The following LRRC56 variants were observed in gnomAD, a reference collection of about 807,000 sequenced individuals.
LRRC56 encodes the protein leucine-rich repeat-containing protein 56.
Under a neutral mutation model 47.8 loss-of-function variants are expected in LRRC56, and 41 were observed. That is an observed-to-expected ratio of 0.86 (90% CI 0.67 to 1.11). LRRC56 has a LOEUF of 1.11. Ranked by LOEUF, LRRC56 falls within the 50% of genes most tolerant of loss-of-function variation. The pLI is 0.00. For missense variants in LRRC56, 759 were observed against 704.2 expected (o/e 1.08, Z -0.88); for synonymous variants, 387 against 311.2 (o/e 1.24, Z -2.56).
At chr11:525,461 C>T in the LRRC56 span, among the ~76,000 whole-genome samples, 24 of 151,686 alleles carry the variant, frequency 1.6e-4, no homozygotes, top group Admixed American at 7.2e-4. Flanking sequence ...ATGGCGTGAA[C>T]CCAGTAGGCG....
the LRRC56 span, among the ~76,000 whole-genome samples, chr11:511,471 C>T: frequency 6.6e-6 from 1 of 152,172 alleles, no homozygotes; most frequent in South Asian, 2.1e-4. Context: ...ATTTTGGTGA[C>T]AGGACTGCTC....
At chr11:549,376 G>GC (rs2134056407) in intron 6 of LRRC56, among the ~76,000 whole-genome samples, 1 of 152,216 alleles carries the variant, frequency 6.6e-6, no homozygotes, top group Non-Finnish European at 1.5e-5. Context: ...AACAGGGTGG[G>GC]CCCGGCAGGA....
upstream of LRRC56, chr11:534,327 C>T (rs879083675): frequency 1.2e-6 from 2 of 1,609,800 alleles, no homozygotes; most frequent in South Asian, 2.2e-5. Context: ...CGTCATCGCT[C>T]CTCAGGGGCC....
At chr11:540,598 T>A (rs971264827) in intron 3 of LRRC56, 76 bp from the exon 4 acceptor site, 3 of 1,331,066 alleles carry the variant, frequency 2.3e-6, no homozygotes, top group East Asian at 4.9e-5. Context: ...GGTTGAGGGC[T>A]GGGCCAGGGT....
chr11:525,185 C>T, the LRRC56 span, among the ~76,000 whole-genome samples: 10 of 151,660 alleles, frequency 6.6e-5, no homozygotes, highest in African/African-American at 1.2e-4. Flanking sequence ...GGGCAGATCA[C>T]CTGAGGTCGG....
At chr11:516,610 T>C in the LRRC56 span, among the ~76,000 whole-genome samples, 98 of 152,148 alleles carry the variant, frequency 6.4e-4, 1 homozygote, top group Non-Finnish European at 8.2e-4. Flanking sequence ...ACATGAAATA[T>C]GAGCCAATGG....
Position 540,753 on chromosome 11 carries a change from G to A in LRRC56, c.69G>A (p.Leu23=). 1.9e-6 allele frequency: 3 copies of A among 1,611,810 alleles called. No individual in the cohort carries two copies. Among genetic ancestry groups the A allele is most frequent in the South Asian group, 1.1e-5 (1 of 90,674 alleles). Residue 23 remains leucine (L), a synonymous_variant, in exon 4 of 14, where the codon CTG becomes CTA. Transcript: ENST00000270115. ...CCTCCAGCGTCCGGGTGCGGGAGCTGAGCTGGCAAGGCCTGCACAACCCCT... is the reference window on the plus strand; with the variant it reads ...CCTCCAGCGTCCGGGTGCGGGAGCTAAGCTGGCAAGGCCTGCACAACCCCT... The part of the protein sequence containing the change: ...RSTSSVRVRE[L]SWQGLHNPCP...
chr11:546,184 C>A (rs1300209885), intron 6 of LRRC56, among the ~76,000 whole-genome samples: 2 of 151,014 alleles, frequency 1.3e-5, no homozygotes, highest in Non-Finnish European at 3.0e-5. Flanking sequence ...GCAGGAGAGT[C>A]GCTGCAGTGA....
chr11:507,947 C>T, the LRRC56 span, among the ~76,000 whole-genome samples: 2 of 152,254 alleles, frequency 1.3e-5, no homozygotes, highest in African/African-American at 4.8e-5. Flanking sequence ...CCGAGCGTCG[C>T]CTGGAGCCCT....
the LRRC56 span, among the ~76,000 whole-genome samples, chr11:515,888 A>G: frequency 6.6e-6 from 1 of 152,208 alleles, no homozygotes; most frequent in African/African-American, 2.4e-5. Flanking sequence ...ACTGTCATGT[A>G]TAGATTGAAG....
intron 13 of LRRC56, among the ~76,000 whole-genome samples, chr11:553,279 C>T (rs545939963): frequency 3.9e-5 from 6 of 152,048 alleles, no homozygotes; most frequent in Non-Finnish European, 8.8e-5. Context: ...GGCAGGCAGG[C>T]CGGGCAGGGG....
the LRRC56 span, among the ~76,000 whole-genome samples, chr11:517,907 CAG>C: frequency 2.6e-5 from 4 of 152,222 alleles, no homozygotes; most frequent in Middle Eastern, 3.2e-3. Context: ...TGTGTCAACT[CAG>C]GGTTAAATGG....
the LRRC56 span, among the ~76,000 whole-genome samples, chr11:521,377 C>T: frequency 6.6e-6 from 1 of 152,196 alleles, no homozygotes; most frequent in Non-Finnish European, 1.5e-5. Context: ...GCCATGATCA[C>T]AGGTCACTGC....
At chr11:551,564 G>C (rs1852391479) in intron 9 of LRRC56, 87 bp from the exon 10 acceptor site, 1 of 1,410,856 alleles carries the variant, frequency 7.1e-7, no homozygotes, top group Non-Finnish European at 9.6e-7. Flanking sequence ...ATGCAGCATG[G>C]GGATTGGGGC....
chr11:533,403 G>A, upstream of LRRC56: 1 of 1,602,992 alleles, frequency 6.2e-7, no homozygotes, highest in Non-Finnish European at 8.5e-7. Flanking sequence ...CCTGGCTGGG[G>A]CGGGGCGGGG....
At chr11:543,416 T>C (rs1461879610) in intron 5 of LRRC56, among the ~76,000 whole-genome samples, 1 of 151,746 alleles carries the variant, frequency 6.6e-6, no homozygotes, top group East Asian at 1.9e-4. Flanking sequence ...GGTGTCACCA[T>C]GTTGGCCAGG....
At chr11:547,570 TCTCGA>T (rs954301119) in intron 6 of LRRC56, among the ~76,000 whole-genome samples, 5 of 151,268 alleles carry the variant, frequency 3.3e-5, no homozygotes, top group African/African-American at 1.2e-4. Context: ...GCCAGGATGG[TCTCGA>T]TCTCCTGACC....
chr11:534,293 G>A (rs752765965), upstream of LRRC56: 7 of 1,613,080 alleles, frequency 4.3e-6, no homozygotes, highest in Admixed American at 6.7e-5. Context: ...CACCGCCGGC[G>A]CCCACCACCA....
the LRRC56 span, among the ~76,000 whole-genome samples, chr11:510,141 A>C: frequency 6.6e-6 from 1 of 152,058 alleles, no homozygotes; most frequent in Admixed American, 6.6e-5. Context: ...GAGCTTTTAC[A>C]TTCCCCATGA....
Sources: allele counts gnomAD v4.1 joint callset (sites outside exome capture counted in the v4.1 genomes callset), GRCh38; gene constraint gnomAD v4.1.1; transcripts MANE v1.5; gene names NCBI Gene and HGNC (gene_info 2026-07-23, HGNC 2026-07-21).